RELN: variants seen among roughly 807,000 people sequenced by gnomAD.
The protein encoded by RELN is reelin.
RELN carries 108 observed loss-of-function variants against 427.6 expected under a neutral mutation model. The observed-to-expected ratio is 0.25, with a 90% CI of 0.22 to 0.30. The LOEUF (loss-of-function observed/expected upper bound fraction) is 0.30. Among genes scored for constraint, RELN ranks in the 10% least tolerant of loss-of-function variants. RELN has a pLI of 1.00. For missense variants in RELN, 3,715 were observed against 4,302.8 expected (o/e 0.86, Z 3.82); for synonymous variants, 1,524 against 1,513.4 (o/e 1.01, Z -0.16).
At chr7:103,940,660 T>C (rs1240842157) in intron 1 of RELN, among the ~76,000 whole-genome samples, 1 of 152,156 alleles carries the variant, frequency 6.6e-6, no homozygotes, top group Non-Finnish European at 1.5e-5. Context: ...CATAAACCTC[T>C]CATATCCCTG....
At chr7:103,839,423 T>C (rs1793498380) in intron 2 of RELN, among the ~76,000 whole-genome samples, 1 of 151,762 alleles carries the variant, frequency 6.6e-6, no homozygotes, top group Non-Finnish European at 1.5e-5. Context: ...AGAAATCCAT[T>C]GATCTAAAAT....
chr7:103,871,061 T>C lies in RELN; in HGVS notation c.338-37389A>G, dbSNP rs148987829. Among the ~76,000 whole-genome samples, 17 of 152,204 alleles carry C rather than the reference T, an allele frequency of 1.1e-4. No homozygotes were observed. In the East Asian group the frequency reaches 3.3e-3, roughly 30 times the overall value. ...CTCACCTTTCCTGTTACACTGCCTG[T>C]TGTCCAGTAAGTAAAAACCCAATCT... On this transcript the variant is annotated intron_variant, in intron 2 of 64. Coordinates refer to ENST00000428762, the MANE Select transcript of RELN (RefSeq NM_005045.4).
chr7:103,503,194 G>C lies in RELN; in HGVS notation c.8311C>G (p.Gln2771Glu). The change falls in exon 52 of 65, where the codon CAG (glutamine) becomes GAG (glutamate). Residue 2771 changes from glutamine to glutamate, a missense_variant. Physicochemically the swap from Gln to Glu is conservative, Grantham distance 29. This residue lies in a region of RELN where 1,310 missense variants were observed against 1,643.0 expected (regional missense o/e 0.80). Transcript: ENST00000428762. ...VGCKVSEKIA[Q>E]NQIHVQYSTD... ...GAATACTGCACATGAATTTGATTCT[G>C]GGCAATTTTTTCAGACACCTTACAT... The C allele has an allele frequency of 6.2e-7, 1 of 1,614,100 alleles. No homozygotes were observed. The highest frequency in any genetic ancestry group is 1.1e-5 in the South Asian group (1 of 91,074).
intron 3 of RELN, among the ~76,000 whole-genome samples, chr7:103,798,075 G>GAGTT (rs1374638088): frequency 6.6e-6 from 1 of 152,132 alleles, no homozygotes; most frequent in Admixed American, 6.5e-5. Context: ...GTACTCTTGG[G>GAGTT]AGTTAGTTCC....
At chr7:103,963,600 T>A (rs1796606260) in intron 1 of RELN, among the ~76,000 whole-genome samples, 1 of 152,200 alleles carries the variant, frequency 6.6e-6, no homozygotes, top group African/African-American at 2.4e-5. Flanking sequence ...TTTTTAAAAA[T>A]TTCTTTTAAA....
At position 103,515,318 on chromosome 7, in the gene RELN, G is replaced by A. The variant is rs1829535901; in HGVS notation, c.7986C>T (p.Gly2662=). 2 of 1,614,096 alleles carry A rather than the reference G, an allele frequency of 1.2e-6. No homozygotes were observed. Among genetic ancestry groups the A allele is most frequent in the East Asian group, 2.2e-5 (1 of 44,874 alleles). ...GCATAACGGTCCTTTGGTCAGCAGAGCCTGAGATGAGGACATTGTCAATGG... is the reference window on the plus strand; with the variant it reads ...GCATAACGGTCCTTTGGTCAGCAGAACCTGAGATGAGGACATTGTCAATGG... ...DWAIDNVLIS[G]SADQRTVMLD... The change falls in exon 50 of 65, where the codon GGC becomes GGT. Residue 2662 remains glycine, a synonymous_variant. Coordinates refer to ENST00000428762, the MANE Select transcript of RELN (RefSeq NM_005045.4).
At position 103,589,613 on chromosome 7, in the gene RELN, T is replaced by C. The variant is rs1010451331; in HGVS notation, c.4128A>G (p.Pro1376=). Residue 1376 remains proline (P), a synonymous_variant, in exon 28 of 65, where the codon CCA becomes CCG. Transcript: ENST00000428762. Reference sequence around the variant, plus strand: ...TACTTTACCTGGATGCAAGAGACCTTGGAATAACAATGGTGATTCTTGTCC... The same window carrying C: ...TACTTTACCTGGATGCAAGAGACCTCGGAATAACAATGGTGATTCTTGTCC... The part of the protein sequence containing the change: ...EEWTRITIVI[P]RSLASSKTRF... The C allele has an allele frequency of 6.2e-7, 1 of 1,612,594 alleles. No individual in the cohort carries two copies. Among genetic ancestry groups the C allele is most frequent in the Admixed American group, 1.7e-5 (1 of 60,016 alleles).
At position 103,519,324 on chromosome 7, in the gene RELN, C is replaced by T. The variant is rs144453936; in HGVS notation, c.7861G>A (p.Gly2621Arg). The change falls in exon 49 of 65, where the codon GGA becomes AGA. Residue 2621 changes from glycine to arginine, a missense_variant and splice_region_variant. Gly to Arg is a moderately radical substitution (Grantham distance 125). Around this residue, in one of 4 missense-constraint regions of RELN, gnomAD observed 1,310 missense variants for 1,643.0 expected, o/e 0.80. Transcript: ENST00000428762. ...EIFYDQYSKP[G>R]FVNILLPPDA... ...TTAGATATCAAATCGAATACAAACC[C>T]GGGCTTACTGTACTGGTCATAGAAA... The T allele has an allele frequency of 2.0e-5, 33 of 1,611,466 alleles. No homozygotes were observed. In the African/African-American group the frequency reaches 3.1e-4, roughly 15 times the overall value.
At chr7:103,678,811 C>A (rs1252205595) in intron 11 of RELN, among the ~76,000 whole-genome samples, 1 of 152,156 alleles carries the variant, frequency 6.6e-6, no homozygotes, top group Non-Finnish European at 1.5e-5. Flanking sequence ...TCAATCAATT[C>A]AACTGGCCAC....
Position 103,566,645 on chromosome 7 carries a change from G to C in RELN, c.4703C>G (p.Ala1568Gly). The part of the protein sequence containing the change: ...QIISIDLPQD[A>G]KTPATAFRWW... ...TCGAAATGCCGTTGCAGGTGTCTTCGCGTCCTGTGGCAGGTCAATGGAAAT... is the reference window on the plus strand; with the variant it reads ...TCGAAATGCCGTTGCAGGTGTCTTCCCGTCCTGTGGCAGGTCAATGGAAAT... Residue 1568 changes from alanine (A) to glycine (G), a missense_variant, in exon 32 of 65, where the codon GCG (alanine) becomes GGG (glycine). By Grantham distance (60) the Ala-to-Gly change is moderately conservative. Around this residue, in one of 4 missense-constraint regions of RELN, gnomAD observed 2,208 missense variants for 2,361.7 expected, o/e 0.93. Coordinates refer to ENST00000428762, the MANE Select transcript of RELN (RefSeq NM_005045.4). 6.2e-7 allele frequency: 1 copy of C among 1,614,122 alleles called. No homozygotes were observed. Among genetic ancestry groups the C allele is most frequent in the Non-Finnish European group, 8.5e-7 (1 of 1,179,996 alleles).
At chr7:103,517,063 C>A (rs2528866) in intron 49 of RELN, among the ~76,000 whole-genome samples, 25,348 of 152,048 alleles carry the variant, frequency 0.17, 2,901 homozygotes, top group African/African-American at 0.32. Flanking sequence ...CAATCTTAGA[C>A]CCTCACCTGT....
chr7:103,827,101 T>C (rs559979441), intron 3 of RELN, among the ~76,000 whole-genome samples: 57 of 151,860 alleles, frequency 3.8e-4, no homozygotes, highest in African/African-American at 1.3e-3. Context: ...AGAGCAAATC[T>C]GCTAACACAA....
chr7:103,492,824 G>A (rs184814483), intron 57 of RELN, among the ~76,000 whole-genome samples: 296 of 152,280 alleles, frequency 1.9e-3, no homozygotes, highest in Non-Finnish European at 3.5e-3. Context: ...CTGAAGACTG[G>A]GAAGAGTGTG....
chr7:103,798,969 C>A (rs1174296090), intron 3 of RELN, among the ~76,000 whole-genome samples: 1 of 152,140 alleles, frequency 6.6e-6, no homozygotes, highest in Non-Finnish European at 1.5e-5. Flanking sequence ...TTGCCCAGGG[C>A]CTATAGCCAT....
At chr7:103,480,652 AAAAT>A (rs1339310762) in intron 63 of RELN, among the ~76,000 whole-genome samples, 2 of 152,212 alleles carry the variant, frequency 1.3e-5, no homozygotes, top group Admixed American at 6.5e-5. Context: ...AAAAAGAAGG[AAAAT>A]AAATTCCTTT....
At chr7:103,760,897 A>ATTTC (rs16646) in intron 4 of RELN, among the ~76,000 whole-genome samples, 77,539 of 151,586 alleles carry the variant, frequency 0.51, 22,364 homozygotes, top group African/African-American at 0.79. Flanking sequence ...CCCAGGAATA[A>ATTTC]TTTATTACTT....
chr7:103,754,640 G>T (rs1791088953), intron 4 of RELN, among the ~76,000 whole-genome samples: 1 of 152,118 alleles, frequency 6.6e-6, no homozygotes. Context: ...GCTGGGCATG[G>T]TGGTGCACGC....
chr7:103,897,391 G>A (rs766043215), intron 2 of RELN, among the ~76,000 whole-genome samples: 7 of 152,066 alleles, frequency 4.6e-5, no homozygotes, highest in Non-Finnish European at 8.8e-5. Context: ...GCTACTGCTT[G>A]TGTGTTCGTC....
intron 2 of RELN, among the ~76,000 whole-genome samples, chr7:103,874,709 G>A (rs1298011029): frequency 6.7e-6 from 1 of 149,134 alleles, no homozygotes; most frequent in Admixed American, 6.7e-5. Flanking sequence ...AATAAAAGAG[G>A]ATACAAACAA....
Sources: allele counts gnomAD v4.1 joint callset (sites outside exome capture counted in the v4.1 genomes callset), GRCh38; gene constraint gnomAD v4.1.1; regional missense constraint gnomAD v4.1.1; transcripts MANE v1.5; gene names NCBI Gene and HGNC (gene_info 2026-07-23, HGNC 2026-07-21).